Variants in ATP2C2 observed in about 807,000 individuals in gnomAD.
ATP2C2 encodes ATPase secretory pathway Ca2+ transporting 2.
In ATP2C2, 171 loss-of-function variants were observed where a neutral mutation model predicts 110.8. That is an observed-to-expected ratio of 1.54 (90% CI 1.36 to 1.75). The LOEUF is 1.75. Among genes scored for constraint, ATP2C2 ranks in the 40% most tolerant of loss-of-function variants. The pLI, the probability that ATP2C2 is intolerant of heterozygous loss-of-function variation, is 0.00. For missense variants in ATP2C2, 1,963 were observed against 1,235.0 expected (o/e 1.59, Z -8.84); for synonymous variants, 804 against 508.4 (o/e 1.58, Z -7.82).
chr16:84,447,747 T>C (rs1909883730), intron 16 of ATP2C2, among the ~76,000 whole-genome samples: 2 of 146,074 alleles, frequency 1.4e-5, no homozygotes, highest in South Asian at 4.2e-4. Context: ...TTATATATAA[T>C]ATATAATATA....
At chr16:84,422,016 G>C (rs1316026810) in intron 7 of ATP2C2, among the ~76,000 whole-genome samples, 4 of 152,168 alleles carry the variant, frequency 2.6e-5, no homozygotes, top group Admixed American at 1.3e-4. Flanking sequence ...TATTGTGTGG[G>C]ATTGTGTGGG....
intron 1 of ATP2C2, among the ~76,000 whole-genome samples, chr16:84,377,537 G>T (rs1237359234): frequency 6.6e-6 from 1 of 151,964 alleles, no homozygotes; most frequent in African/African-American, 2.4e-5. Context: ...TGCCTTCCCT[G>T]TGTCTTCATA....
chr16:84,408,599 G>A (rs890037216), intron 4 of ATP2C2, 105 bp downstream of exon 4: 1 of 845,698 alleles, frequency 1.2e-6, no homozygotes, highest in Non-Finnish European at 1.8e-6. Flanking sequence ...CTGTAGGGGG[G>A]AAAAAGGAGC....
Position 84,461,752 on chromosome 16 carries a change from G to A in ATP2C2, c.2520G>A (p.Thr840=), listed in dbSNP as rs267604668. The change falls in exon 25 of 27, where the codon ACG becomes ACA. Residue 840 remains threonine (T), a synonymous_variant. Coordinates refer to ENST00000262429, the MANE Select transcript of ATP2C2 (RefSeq NM_014861.4). ...GAGCAAGCACTCCCCGCACCACGAC[G>A]ATGACGTTCACTTGTTTTGTGTTTT... ...EDRASTPRTT[T]MTFTCFVFFD... The A allele has an allele frequency of 3.7e-6, 6 of 1,614,068 alleles. No individual in the cohort carries two copies. The African/African-American group carries it at 5.3e-5, about 14-fold the overall frequency.
Position 84,431,288 on chromosome 16 carries a change from C to T in ATP2C2, c.986+5487C>T, listed in dbSNP as rs560125705. On this transcript the variant is annotated intron_variant, in intron 11 of 26. Coordinates refer to ENST00000262429, the MANE Select transcript of ATP2C2 (RefSeq NM_014861.4). Reference sequence around the variant, plus strand: ...CTGAGGTGGGCAGATCACTTGAGATCAGGAGTTCAAGAACAGCCTGGCCAA... The same window carrying T: ...CTGAGGTGGGCAGATCACTTGAGATTAGGAGTTCAAGAACAGCCTGGCCAA... Among the ~76,000 whole-genome samples, 17 of 152,088 alleles carry T rather than the reference C, an allele frequency of 1.1e-4. No individual in the cohort carries two copies. In the South Asian group the frequency reaches 3.5e-3, roughly 32 times the overall value.
intron 18 of ATP2C2, 103 bp from the exon 19 acceptor site, chr16:84,453,035 G>A: frequency 8.2e-7 from 1 of 1,217,456 alleles, no homozygotes; most frequent in Non-Finnish European, 1.2e-6. Context: ...ACCGTCTCCA[G>A]CATGGTTTTA....
chr16:84,436,405 C>G (rs1386742315), intron 11 of ATP2C2, among the ~76,000 whole-genome samples: 1 of 152,088 alleles, frequency 6.6e-6, no homozygotes, highest in Non-Finnish European at 1.5e-5. Flanking sequence ...CACGTATTTC[C>G]TGGGCAGCCT....
chr16:84,415,406 C>A, intron 6 of ATP2C2, 77 bp from the exon 7 acceptor site: 1 of 1,211,374 alleles, frequency 8.3e-7, no homozygotes. Flanking sequence ...TTTCTATTCT[C>A]CTTGTTCAAA....
At chr16:84,374,067 G>C (rs970037851) in intron 1 of ATP2C2, among the ~76,000 whole-genome samples, 6 of 152,140 alleles carry the variant, frequency 3.9e-5, no homozygotes, top group African/African-American at 1.4e-4. Context: ...GTTAGTGTTG[G>C]GCGTTGTTGA....
chr16:84,395,434 C>G (rs370723867), intron 1 of ATP2C2, among the ~76,000 whole-genome samples: 2 of 151,326 alleles, frequency 1.3e-5, no homozygotes, highest in Non-Finnish European at 2.9e-5. Context: ...GTCCTGCCCT[C>G]AAAGGCAGGG....
chr16:84,453,724 G>A (rs1390115415), intron 20 of ATP2C2, among the ~76,000 whole-genome samples: 1 of 152,148 alleles, frequency 6.6e-6, no homozygotes, highest in Non-Finnish European at 1.5e-5. Flanking sequence ...CCAAACCTGG[G>A]GATAATTTTA....
At position 84,423,083 on chromosome 16, in the gene ATP2C2, G is replaced by A. The variant is rs1021865554; in HGVS notation, c.844-105G>A. On this transcript the variant is annotated intron_variant, in intron 9 of 26. Transcript: ENST00000262429. ...AATGTTGACATATGTGTACCCCTGT[G>A]TAATCATCACTGAAGCTGTAGGATG... 74 of 924,024 alleles carry A rather than the reference G, an allele frequency of 8.0e-5. No homozygotes were observed. In the African/African-American group the frequency reaches 8.7e-4, roughly 11 times the overall value. 57.2% of individuals were successfully genotyped at this position (924,024 alleles called of 1,614,324 possible).
At chr16:84,430,639 CAAA>C (rs566290549) in intron 11 of ATP2C2, among the ~76,000 whole-genome samples, 50,035 of 123,532 alleles carry the variant, frequency 0.41, 8,910 homozygotes, top group South Asian at 0.46. Context: ...GACACCATCT[CAAA>C]AAAAAAAAAA....
At chr16:84,429,286 G>A (rs1213305780) in intron 11 of ATP2C2, among the ~76,000 whole-genome samples, 1 of 152,020 alleles carries the variant, frequency 6.6e-6, no homozygotes, top group Non-Finnish European at 1.5e-5. Flanking sequence ...CAAGTAGCTG[G>A]GATTATAGGG....
At chr16:84,425,831 G>A (rs750758645) in intron 11 of ATP2C2, 30 bp downstream of exon 11, 1 of 1,610,592 alleles carries the variant, frequency 6.2e-7, no homozygotes, top group Non-Finnish European at 8.5e-7. Flanking sequence ...CCCTTGCCTT[G>A]CCAGGGTGGT....
At chr16:84,423,363 C>T in intron 10 of ATP2C2, 100 bp downstream of exon 10, 1 of 1,113,442 alleles carries the variant, frequency 9.0e-7, no homozygotes, top group Admixed American at 1.9e-5. Context: ...TGCTACTCAG[C>T]TGCATAAGGC....
At position 84,439,088 on chromosome 16, in the gene ATP2C2, A is replaced by G. The variant is rs1191863222; in HGVS notation, c.987-78A>G. On this transcript the variant is annotated intron_variant, in intron 11 of 26. Coordinates refer to ENST00000262429, the MANE Select transcript of ATP2C2 (RefSeq NM_014861.4). ...CACCTAAGACAAGCTTCACCAGCCA[A>G]AAGCATTGCCAGCCCCAGCTGAGAG... 25 of 1,580,718 alleles carry G rather than the reference A, an allele frequency of 1.6e-5. No homozygotes were observed. The East Asian group carries it at 2.3e-4, about 14-fold the overall frequency.
At chr16:84,428,290 G>A (rs1472550819) in intron 11 of ATP2C2, among the ~76,000 whole-genome samples, 3 of 152,324 alleles carry the variant, frequency 2.0e-5, no homozygotes, top group Non-Finnish European at 2.9e-5. Context: ...ATACATGAAT[G>A]TACACGATTA....
At chr16:84,393,004 G>GT (rs1255302610) in intron 1 of ATP2C2, among the ~76,000 whole-genome samples, 1 of 152,184 alleles carries the variant, frequency 6.6e-6, no homozygotes, top group African/African-American at 2.4e-5. Flanking sequence ...TTTACCCTGA[G>GT]TTTGTTTCCA....
Sources: allele counts gnomAD v4.1 joint callset (sites outside exome capture counted in the v4.1 genomes callset), GRCh38; gene constraint gnomAD v4.1.1; transcripts MANE v1.5; gene names NCBI Gene and HGNC (gene_info 2026-07-23, HGNC 2026-07-21).